The following BCAS3 variants were observed in gnomAD, a reference collection of about 807,000 sequenced individuals.
BCAS3 encodes the protein BCAS4/BCAS3 fusion.
Under a neutral mutation model 116.1 loss-of-function variants are expected in BCAS3, and 53 were observed. That is an observed-to-expected ratio of 0.46 (90% CI 0.37 to 0.57). BCAS3 has a LOEUF of 0.57. Ranked by LOEUF, BCAS3 falls within the 20% of genes least tolerant of loss-of-function variation. The pLI is 0.00. For synonymous variants in BCAS3, 391 were observed against 408.2 expected (o/e 0.96, Z 0.51); for missense variants, 917 against 1,165.4 (o/e 0.79, Z 3.10).
intron 22 of BCAS3, among the ~76,000 whole-genome samples, chr17:61,296,788 A>G (rs553607938): frequency 6.6e-6 from 1 of 152,316 alleles, no homozygotes; most frequent in African/African-American, 2.4e-5. Flanking sequence ...AGCACTTGCA[A>G]AGTCCGTTTA....
At chr17:61,299,529 A>G (rs897205335) in intron 22 of BCAS3, among the ~76,000 whole-genome samples, 1 of 152,032 alleles carries the variant, frequency 6.6e-6, no homozygotes, top group Non-Finnish European at 1.5e-5. Flanking sequence ...AATTCATGCC[A>G]ACTCATAGCC....
chr17:61,045,905 AT>A (rs1240773583), intron 19 of BCAS3, among the ~76,000 whole-genome samples: 1 of 31,190 alleles, frequency 3.2e-5, no homozygotes, highest in Non-Finnish European at 4.4e-5. Context: ...ATATATATAA[AT>A]ATATATTTAT....
Position 61,333,200 on chromosome 17 carries a change from G to C in BCAS3, c.2426-35127G>C, listed in dbSNP as rs185519417. Among the ~76,000 whole-genome samples, 1 of 152,292 alleles carries C rather than the reference G, an allele frequency of 6.6e-6. No homozygotes were observed. Among genetic ancestry groups the C allele is most frequent in the Non-Finnish European group, 1.5e-5 (1 of 68,024 alleles). On this transcript the variant is annotated intron_variant, in intron 22 of 23. Transcript: ENST00000407086. This position sits in a 1 kb window ranked among gnomAD's most constrained non-coding sequence, Gnocchi z 4.8. ...TGTGTGATCAGAGAAACAAAGTCTG[G>C]TGAGAGGAGCAAGTGCAGTTATGCA...
intron 14 of BCAS3, among the ~76,000 whole-genome samples, chr17:60,957,820 A>G (rs2061219453): frequency 6.6e-6 from 1 of 152,248 alleles, no homozygotes; most frequent in Non-Finnish European, 1.5e-5. Flanking sequence ...TATTGAGGAA[A>G]TAACAGAAAT....
At chr17:61,273,163 A>AGT (rs1431466427) in intron 22 of BCAS3, among the ~76,000 whole-genome samples, 1 of 149,734 alleles carries the variant, frequency 6.7e-6, no homozygotes, top group Non-Finnish European at 1.5e-5. Context: ...GTTGGAGTGC[A>AGT]GTGGCATGAT....
intron 7 of BCAS3, among the ~76,000 whole-genome samples, chr17:60,822,129 A>G (rs1174373262): frequency 6.6e-6 from 1 of 152,216 alleles, no homozygotes; most frequent in Non-Finnish European, 1.5e-5. Context: ...CCAGATACCT[A>G]CAAGTAGAAT....
At chr17:61,075,256 G>A (rs2071859952) in intron 20 of BCAS3, among the ~76,000 whole-genome samples, 1 of 151,824 alleles carries the variant, frequency 6.6e-6, no homozygotes, top group Non-Finnish European at 1.5e-5. Flanking sequence ...CCATAAACAT[G>A]GCATAAAATT....
chr17:61,310,144 C>T lies in BCAS3; in HGVS notation c.2426-58183C>T, dbSNP rs528801895. On this transcript the variant is annotated intron_variant, in intron 22 of 23. Coordinates refer to ENST00000407086, the MANE Select transcript of BCAS3 (RefSeq NM_017679.5). ...ATGAATCAAAGGCGATCCCTTCTTT[C>T]TCCCTGCTTCCATCTTTCCGGTCCT... Among the ~76,000 whole-genome samples the T allele has an allele frequency of 3.3e-3, 505 of 152,304 alleles. 2 individuals are homozygous for T. The highest frequency in any genetic ancestry group is 0.012 in the African/African-American group (479 of 41,570).
In BCAS3 at chr17:61,021,570, T is replaced by C. The variant is rs1225949047; in HGVS notation, c.1637+5669T>C. ...AAAAAAAGTTTATATATATGGATTA[T>C]AATCTTTTAATCCTTATCATGTATG... On this transcript the variant is annotated intron_variant, in intron 16 of 23. Transcript: ENST00000407086. The surrounding 1 kb of genome is among the most constrained non-coding windows in gnomAD (Gnocchi z 4.6). 6.6e-6 allele frequency among the ~76,000 whole-genome samples: 1 copy of C among 152,226 alleles called. No individual in the cohort carries two copies. The highest frequency in any genetic ancestry group is 1.9e-4 in the East Asian group (1 of 5,200).
Position 61,220,151 on chromosome 17 carries a change from A to G in BCAS3, c.2425+135587A>G, listed in dbSNP as rs1030850697. ...TCTACTAATAATACAAAAATTAGCC[A>G]GGCGTGGTGGCAGGCGCCTCTAATC... On this transcript the variant is annotated intron_variant, in intron 22 of 23. Coordinates refer to ENST00000407086, the MANE Select transcript of BCAS3 (RefSeq NM_017679.5). The surrounding 1 kb of genome is among the most constrained non-coding windows in gnomAD (Gnocchi z 4.5). 3.9e-5 allele frequency among the ~76,000 whole-genome samples: 6 copies of G among 152,058 alleles called. No homozygotes were observed. The highest frequency in any genetic ancestry group is 1.4e-4 in the African/African-American group (6 of 41,414).
chr17:60,811,311 G>A lies in BCAS3; in HGVS notation c.476+3235G>A, dbSNP rs1441145596. 10 of 737,662 alleles carry A rather than the reference G, an allele frequency of 1.4e-5. No individual in the cohort carries two copies. The East Asian group carries it at 2.7e-4, about 20-fold the overall frequency. 45.7% of individuals were successfully genotyped at this position (737,662 alleles called of 1,614,324 possible). A position where few individuals can be genotyped will look rare whatever the true frequency, so the allele number is the denominator to read the frequency against. On this transcript the variant is annotated intron_variant, in intron 7 of 23. Transcript: ENST00000407086. The stretch of plus-strand genomic sequence containing the variant: ...CTGGAGACTGAGATCACCACCTACT[G>A]TCACCTGCTGGAAGATGGTGAGGAC...
In BCAS3 at chr17:61,004,216, A is replaced by G. The variant is rs1424938086; in HGVS notation, c.1487-11535A>G. Among the ~76,000 whole-genome samples the G allele has an allele frequency of 6.6e-6, 1 of 152,206 alleles. No individual in the cohort carries two copies. The stretch of plus-strand genomic sequence containing the variant: ...CACTGAAATAAAAATATTTCTATGG[A>G]AATCTGGAGATGGAATTTTTAGTTG... On this transcript the variant is annotated intron_variant, in intron 15 of 23. Coordinates refer to ENST00000407086, the MANE Select transcript of BCAS3 (RefSeq NM_017679.5). The surrounding 1 kb of genome is among the most constrained non-coding windows in gnomAD (Gnocchi z 4.8).
In BCAS3 at chr17:61,104,304, A is replaced by C. The variant is rs1322346463; in HGVS notation, c.2425+19740A>C. ...AGACCTTGACCAAGGAGTAGCTAAGACATATTTTTCTGCTTTTATTTTTTA... is the reference window on the plus strand; with the variant it reads ...AGACCTTGACCAAGGAGTAGCTAAGCCATATTTTTCTGCTTTTATTTTTTA... On this transcript the variant is annotated intron_variant, in intron 22 of 23. Transcript: ENST00000407086. This position sits in a 1 kb window ranked among gnomAD's most constrained non-coding sequence, Gnocchi z 4.1. Among the ~76,000 whole-genome samples, 1 of 152,152 alleles carries C rather than the reference A, an allele frequency of 6.6e-6. No homozygotes were observed. The highest frequency in any genetic ancestry group is 1.5e-5 in the Non-Finnish European group (1 of 68,028).
rs1335815498 is a variant in BCAS3, at chr17:61,227,581, C to A, written c.2426-140746C>A. ...GAACCAGGCCTGTGTGCTGGGGAGA[C>A]CTTCTGTGCCCTAAGGCCACATGGC... On this transcript the variant is annotated intron_variant, in intron 22 of 23. Transcript: ENST00000407086. This position sits in a 1 kb window ranked among gnomAD's most constrained non-coding sequence, Gnocchi z 6.1. Among the ~76,000 whole-genome samples, 1 of 152,172 alleles carries A rather than the reference C, an allele frequency of 6.6e-6. No homozygotes were observed. The highest frequency in any genetic ancestry group is 1.5e-5 in the Non-Finnish European group (1 of 68,046).
chr17:61,306,353 C>A (rs1381348644), intron 22 of BCAS3, among the ~76,000 whole-genome samples: 1 of 152,156 alleles, frequency 6.6e-6, no homozygotes, highest in Non-Finnish European at 1.5e-5. Context: ...TATTTATTAC[C>A]TAGACTGCAG....
At chr17:60,858,436 T>G (rs2053865928) in intron 7 of BCAS3, among the ~76,000 whole-genome samples, 1 of 152,098 alleles carries the variant, frequency 6.6e-6, no homozygotes, top group African/African-American at 2.4e-5. Flanking sequence ...GTGTAGACTT[T>G]TATGTATAGC....
intron 11 of BCAS3, among the ~76,000 whole-genome samples, chr17:60,905,410 A>G (rs998632614): frequency 6.6e-6 from 1 of 152,244 alleles, no homozygotes; most frequent in African/African-American, 2.4e-5. Flanking sequence ...TTGAAAATAT[A>G]TTCATTGATA....
chr17:60,955,931 T>A (rs912619420), intron 14 of BCAS3, among the ~76,000 whole-genome samples: 1 of 152,228 alleles, frequency 6.6e-6, no homozygotes, highest in Non-Finnish European at 1.5e-5. Context: ...TTGATTTTGA[T>A]TTGTTATTGA....
chr17:61,319,161 A>G (rs911849992), intron 22 of BCAS3, among the ~76,000 whole-genome samples: 3 of 152,170 alleles, frequency 2.0e-5, no homozygotes, highest in African/African-American at 7.2e-5. Flanking sequence ...CCCCGGGCCT[A>G]CACCCCTCGC....
Sources: allele counts gnomAD v4.1 joint callset (sites outside exome capture counted in the v4.1 genomes callset), GRCh38; gene constraint gnomAD v4.1.1; non-coding constraint Gnocchi (gnomAD v3.1); transcripts MANE v1.5; gene names NCBI Gene and HGNC (gene_info 2026-07-23, HGNC 2026-07-21).